LINGO3: variants seen among roughly 807,000 people sequenced by gnomAD.
LINGO3 encodes leucine-rich repeat and immunoglobulin-like domain-containing nogo receptor-interacting protein 3.
For missense variants in LINGO3, 750 were observed against 867.7 expected, an observed-to-expected ratio of 0.86 and a Z score of 1.70; for synonymous variants, 427 against 444.2, an observed-to-expected ratio of 0.96 and a Z score of 0.49.
the LINGO3 span, among the ~76,000 whole-genome samples, chr19:2,303,067 AC>A: frequency 6.6e-6 from 1 of 151,934 alleles, no homozygotes; most frequent in Non-Finnish European, 1.5e-5. Context: ...GTCCGCCCGC[AC>A]CTCTAGTTCC....
At chr19:2,303,892 C>T in the LINGO3 span, among the ~76,000 whole-genome samples, 3 of 152,382 alleles carry the variant, frequency 2.0e-5, no homozygotes, top group East Asian at 3.9e-4. Flanking sequence ...CACGGGTCCT[C>T]ACCTGAATCG....
chr19:2,289,304 G>A (rs568397001), downstream of LINGO3, among the ~76,000 whole-genome samples: 80 of 150,310 alleles, frequency 5.3e-4, 1 homozygote, highest in African/African-American at 1.9e-3. Flanking sequence ...TGTGTGTCCC[G>A]GGTGTGAGTT....
chr19:2,293,638 G>A (rs1223115116), upstream of LINGO3, among the ~76,000 whole-genome samples: 3 of 151,896 alleles, frequency 2.0e-5, no homozygotes, highest in Non-Finnish European at 4.4e-5. Flanking sequence ...GGGATTACAG[G>A]TGTGAGCCAC....
chr19:2,291,391 G>C (rs200202839), exon 1 of LINGO3: 4 of 1,613,450 alleles, frequency 2.5e-6, no homozygotes, highest in Non-Finnish European at 3.4e-6. Flanking sequence ...GTCCAGCAGC[G>C]TGAGGTTGTC....
chr19:2,304,151 GCATT>G, the LINGO3 span, among the ~76,000 whole-genome samples: 2 of 152,202 alleles, frequency 1.3e-5, no homozygotes, highest in Non-Finnish European at 1.5e-5. Flanking sequence ...CATTCAACAA[GCATT>G]CATTCATTCA....
chr19:2,305,511 G>A, the LINGO3 span, among the ~76,000 whole-genome samples: 6 of 152,072 alleles, frequency 3.9e-5, no homozygotes, highest in African/African-American at 1.4e-4. Context: ...CTAAGCCCCC[G>A]GCCCTTCCAA....
the LINGO3 span, among the ~76,000 whole-genome samples, chr19:2,300,787 C>T: frequency 1.3e-5 from 2 of 152,304 alleles, no homozygotes; most frequent in African/African-American, 4.8e-5. Flanking sequence ...CGCGCTCCTC[C>T]TGTTCTGGCA....
chr19:2,291,458 G>C (rs989815570), exon 1 of LINGO3: 1 of 1,613,084 alleles, frequency 6.2e-7, no homozygotes, highest in Non-Finnish European at 8.5e-7. Flanking sequence ...CGGAGACGCA[G>C]GACGCGCAGG....
At chr19:2,302,758 G>A in the LINGO3 span, among the ~76,000 whole-genome samples, 1 of 152,390 alleles carries the variant, frequency 6.6e-6, no homozygotes, top group East Asian at 1.9e-4. Flanking sequence ...CGCAGCTGAG[G>A]CCGCAGAGGC....
At chr19:2,296,148 AC>A (rs1417871245), upstream of LINGO3, among the ~76,000 whole-genome samples, 1 of 152,200 alleles carries the variant, frequency 6.6e-6, no homozygotes, top group East Asian at 1.9e-4. Flanking sequence ...TGCCCTGCCG[AC>A]AGCACACTCA....
rs768271773 is a variant in LINGO3, at chr19:2,291,161, G to A, written c.616C>T (p.Arg206Cys). ...TCCAGGGAGGCGATGGCCAGGTGGC[G>A]CAGCCGCAGGGCGCCCAGGCTGCGC... Residue 206 changes from arginine (R) to cysteine (C), a missense_variant, in exon 1 of 1, where the codon CGC (arginine) becomes TGC (cysteine). Transcript: ENST00000585527. 4 of 1,606,810 alleles carry A rather than the reference G, an allele frequency of 2.5e-6. No individual in the cohort carries two copies. The South Asian group carries it at 4.4e-5, about 18-fold the overall frequency.
exon 1 of LINGO3, chr19:2,291,986 A>T: frequency 3.4e-6 from 2 of 594,444 alleles, no homozygotes; most frequent in South Asian, 3.1e-5. Context: ...CAAGAGTTCG[A>T]GACCAGCCTG....
chr19:2,289,380 G>A (rs902781331), downstream of LINGO3, among the ~76,000 whole-genome samples: 1 of 151,914 alleles, frequency 6.6e-6, no homozygotes. Context: ...GTCAGCTCTG[G>A]TGCCCCGGGT....
chr19:2,291,553 G>T (rs768010341), exon 1 of LINGO3: 2 of 1,592,340 alleles, frequency 1.3e-6, no homozygotes, highest in Admixed American at 3.4e-5. Context: ...GGGCAGCGCG[G>T]CCAGGTCGCC....
chr19:2,301,622 G>A, the LINGO3 span, among the ~76,000 whole-genome samples: 1 of 152,092 alleles, frequency 6.6e-6, no homozygotes, highest in African/African-American at 2.4e-5. Context: ...CAGCAGAGAG[G>A]AAGCAGGTAC....
At position 2,291,229 on chromosome 19, in the gene LINGO3, C is replaced by T. The variant is rs756084132; in HGVS notation, c.548G>A (p.Arg183His). The T allele has an allele frequency of 3.1e-6, 5 of 1,611,310 alleles. No homozygotes were observed. The South Asian group carries it at 4.4e-5, about 14-fold the overall frequency. The change falls in exon 1 of 1, where the codon CGC becomes CAC. Residue 183 changes from arginine (R) to histidine (H), a missense_variant. By Grantham distance (29) the Arg-to-His change is conservative (BLOSUM62 0). Coordinates refer to ENST00000585527, the Ensembl canonical transcript of LINGO3. ...CCCGGACAGAGCCGTGAGGTTGCAG[C>T]GCTCCAGGGTCAGCTCCTCCAGGGC...
chr19:2,298,683 A>G, the LINGO3 span, among the ~76,000 whole-genome samples: 2 of 151,668 alleles, frequency 1.3e-5, no homozygotes, highest in African/African-American at 4.9e-5. Context: ...TGGGATTACA[A>G]GCACGCACCA....
At chr19:2,295,767 G>A (rs367954391), upstream of LINGO3, among the ~76,000 whole-genome samples, 54 of 152,160 alleles carry the variant, frequency 3.5e-4, 1 homozygote, top group South Asian at 2.3e-3. Flanking sequence ...AAGGTGAAAC[G>A]CCAAACTGAA....
chr19:2,291,016 G>C, exon 1 of LINGO3: 2 of 1,611,318 alleles, frequency 1.2e-6, no homozygotes, highest in South Asian at 1.1e-5. Flanking sequence ...GTTGGTGTGG[G>C]TGACCGACAG....
Sources: gnomAD v4.1 joint callset for allele counts (sites outside exome capture counted in the v4.1 genomes callset) on GRCh38, gnomAD v4.1.1 for gene constraint, MANE v1.5 for transcripts, NCBI Gene and HGNC (gene_info 2026-07-23, HGNC 2026-07-21) for gene names.